SYN3: variants seen among roughly 807,000 people sequenced by gnomAD.
SYN3 encodes synapsin III.
A neutral mutation model predicts 65.8 loss-of-function variants in SYN3; 35 were observed. The ratio of observed to expected loss-of-function variants is 0.53; its 90% CI spans 0.41 to 0.70. The LOEUF (loss-of-function observed/expected upper bound fraction) is 0.70. Among genes scored for constraint, SYN3 ranks in the 30% least tolerant of loss-of-function variants. The pLI is 0.00. For synonymous variants in SYN3, 270 were observed against 292.9 expected (o/e 0.92, Z 0.80); for missense variants, 680 against 749.0 (o/e 0.91, Z 1.08).
intron 6 of SYN3, among the ~76,000 whole-genome samples, chr22:32,637,779 A>G (rs1418130215): frequency 6.6e-6 from 1 of 151,660 alleles, no homozygotes; most frequent in African/African-American, 2.4e-5. Context: ...CTGGGATTAC[A>G]GGCATGTGCC....
intron 6 of SYN3, among the ~76,000 whole-genome samples, chr22:32,768,378 C>G (rs1227722890): frequency 6.6e-6 from 1 of 152,142 alleles, no homozygotes; most frequent in Non-Finnish European, 1.5e-5. Flanking sequence ...TCTTTTTACC[C>G]CTAAAATTAG....
intron 6 of SYN3, among the ~76,000 whole-genome samples, chr22:32,703,466 G>A (rs1473533641): frequency 2.0e-5 from 3 of 151,964 alleles, no homozygotes; most frequent in East Asian, 3.9e-4. Flanking sequence ...GTGAAACCCC[G>A]TCTCTACTAA....
intron 7 of SYN3, among the ~76,000 whole-genome samples, chr22:32,570,607 T>A (rs5998544): frequency 0.31 from 46,321 of 149,580 alleles, 7,432 homozygotes; most frequent in East Asian, 0.51. Flanking sequence ...TGCTGAGAAG[T>A]GTGCTCTGAG....
intron 6 of SYN3, among the ~76,000 whole-genome samples, chr22:32,616,149 C>T: frequency 6.6e-6 from 1 of 152,128 alleles, no homozygotes; most frequent in East Asian, 1.9e-4. Flanking sequence ...TGTAGAAGCC[C>T]CCAGGGAAGG....
At chr22:33,049,732 C>A (rs73164303) in intron 1 of SYN3, among the ~76,000 whole-genome samples, 4 of 152,182 alleles carry the variant, frequency 2.6e-5, no homozygotes, top group Non-Finnish European at 5.9e-5. Flanking sequence ...GGCACAGATT[C>A]GGTGCCAGCC....
intron 4 of SYN3, among the ~76,000 whole-genome samples, chr22:32,908,027 C>G (rs1487374220): frequency 6.6e-6 from 1 of 151,996 alleles, no homozygotes; most frequent in Non-Finnish European, 1.5e-5. Flanking sequence ...TCAATGCAGC[C>G]AGTAAGGGCT....
chr22:32,977,827 A>G (rs958420269), intron 3 of SYN3, among the ~76,000 whole-genome samples: 7 of 151,740 alleles, frequency 4.6e-5, no homozygotes, highest in Admixed American at 2.6e-4. Context: ...TCAGTTATTC[A>G]TCCTGCAAAT....
intron 6 of SYN3, among the ~76,000 whole-genome samples, chr22:32,727,388 T>C (rs549807887): frequency 2.6e-5 from 4 of 152,244 alleles, no homozygotes; most frequent in African/African-American, 7.2e-5. Context: ...CAGTCTACCA[T>C]TGATGGGCAT....
intron 6 of SYN3, among the ~76,000 whole-genome samples, chr22:32,755,339 C>T (rs748111541): frequency 7.9e-5 from 12 of 152,186 alleles, no homozygotes; most frequent in Admixed American, 7.2e-4. Context: ...TTCAGACCCA[C>T]CACACTGACT....
intron 6 of SYN3, among the ~76,000 whole-genome samples, chr22:32,820,199 G>A (rs979252595): frequency 6.6e-6 from 1 of 151,882 alleles, no homozygotes; most frequent in African/African-American, 2.4e-5. Context: ...ACTCCCTCAG[G>A]GCATGATCAC....
intron 4 of SYN3, among the ~76,000 whole-genome samples, chr22:32,920,359 G>A (rs970335747): frequency 7.2e-5 from 11 of 152,286 alleles, no homozygotes; most frequent in Admixed American, 2.0e-4. Flanking sequence ...GGCCAGGCTA[G>A]AATTTGGGTC....
At chr22:33,017,421 C>T (rs1481132362) in intron 1 of SYN3, among the ~76,000 whole-genome samples, 1 of 152,146 alleles carries the variant, frequency 6.6e-6, no homozygotes, top group Admixed American at 6.5e-5. Flanking sequence ...TGAAAAATAA[C>T]ATTGGAATGT....
At chr22:32,916,726 C>T (rs555742825) in intron 4 of SYN3, among the ~76,000 whole-genome samples, 1 of 152,250 alleles carries the variant, frequency 6.6e-6, no homozygotes, top group East Asian at 1.9e-4. Flanking sequence ...TTTCTGGTAC[C>T]AGGGCACAAG....
chr22:32,953,568 G>A (rs1198180989), intron 3 of SYN3, among the ~76,000 whole-genome samples: 3 of 152,026 alleles, frequency 2.0e-5, no homozygotes, highest in Non-Finnish European at 2.9e-5. Context: ...ACCAGCAGGT[G>A]CAAAGACCCT....
chr22:32,772,275 T>C (rs2045792952), intron 6 of SYN3, among the ~76,000 whole-genome samples: 1 of 150,738 alleles, frequency 6.6e-6, no homozygotes. Flanking sequence ...TTTTTTTTTT[T>C]TTTCAAGAGG....
At chr22:32,681,178 G>T (rs1601903258) in intron 6 of SYN3, among the ~76,000 whole-genome samples, 1 of 128,652 alleles carries the variant, frequency 7.8e-6, no homozygotes, top group Non-Finnish European at 1.8e-5. Flanking sequence ...AGGGTGTAGA[G>T]AAGTGGTTCT....
At chr22:32,887,413 C>T (rs778304661) in intron 4 of SYN3, among the ~76,000 whole-genome samples, 26 of 152,136 alleles carry the variant, frequency 1.7e-4, no homozygotes, top group Middle Eastern at 3.4e-3. Flanking sequence ...TGCAACTTCC[C>T]GCTGATAACC....
intron 6 of SYN3, among the ~76,000 whole-genome samples, chr22:32,764,054 C>G (rs2045560533): frequency 6.6e-6 from 1 of 151,808 alleles, no homozygotes; most frequent in African/African-American, 2.4e-5. Context: ...TCTCCTGCCT[C>G]AGCCTCCCGA....
chr22:32,598,495 AT>A (rs1181618949), intron 6 of SYN3, among the ~76,000 whole-genome samples: 3 of 97,990 alleles, frequency 3.1e-5, no homozygotes, highest in Admixed American at 1.0e-4. Context: ...TTTAAATAAT[AT>A]TTTTTTTGAG....
Sources: gnomAD v4.1 joint callset for allele counts (sites outside exome capture counted in the v4.1 genomes callset) on GRCh38, gnomAD v4.1.1 for gene constraint, MANE v1.5 for transcripts, NCBI Gene and HGNC (gene_info 2026-07-23, HGNC 2026-07-21) for gene names.